CSRNP3: variants seen among roughly 807,000 people sequenced by gnomAD.
The protein encoded by CSRNP3 is cysteine/serine-rich nuclear protein 3.
Under a neutral mutation model 48.0 loss-of-function variants are expected in CSRNP3, and 12 were observed. That is an observed-to-expected ratio of 0.25 (90% CI 0.16 to 0.41). CSRNP3 has a LOEUF of 0.41. Ranked by LOEUF, CSRNP3 falls within the 10% of genes least tolerant of loss-of-function variation. CSRNP3 has a pLI of 1.00. For synonymous variants in CSRNP3, 263 were observed against 269.7 expected, an observed-to-expected ratio of 0.98 and a Z score of 0.24; for missense variants, 580 against 724.4, an observed-to-expected ratio of 0.80 and a Z score of 2.29.
chr2:165,537,851 C>T (rs929552937), intron 3 of CSRNP3, among the ~76,000 whole-genome samples: 1 of 151,904 alleles, frequency 6.6e-6, no homozygotes, highest in South Asian at 2.1e-4. Context: ...TTACCACTTG[C>T]CTTCCATTTT....
At chr2:165,631,588 G>A (rs1011499463) in intron 4 of CSRNP3, among the ~76,000 whole-genome samples, 3 of 152,140 alleles carry the variant, frequency 2.0e-5, no homozygotes, top group African/African-American at 7.2e-5. Context: ...TTTTCTCCAT[G>A]CCTTAAAAGA....
At chr2:165,640,638 G>T (rs1177113380) in intron 4 of CSRNP3, among the ~76,000 whole-genome samples, 3 of 152,184 alleles carry the variant, frequency 2.0e-5, no homozygotes, top group African/African-American at 7.2e-5. Flanking sequence ...AATGTAGCTA[G>T]ATTATTATTG....
chr2:165,552,155 G>A (rs1367838751), intron 3 of CSRNP3, among the ~76,000 whole-genome samples: 2 of 152,188 alleles, frequency 1.3e-5, no homozygotes, highest in Non-Finnish European at 2.9e-5. Flanking sequence ...CAGCATGTTG[G>A]TCAGTGTGGC....
At chr2:165,641,719 A>G (rs1686724031) in intron 4 of CSRNP3, among the ~76,000 whole-genome samples, 1 of 152,170 alleles carries the variant, frequency 6.6e-6, no homozygotes, top group Non-Finnish European at 1.5e-5. Flanking sequence ...GGCCAGAGGA[A>G]CTGGTTAGTA....
intron 3 of CSRNP3, among the ~76,000 whole-genome samples, chr2:165,531,662 A>G (rs920053492): frequency 1.3e-5 from 2 of 152,210 alleles, no homozygotes; most frequent in Non-Finnish European, 1.5e-5. Flanking sequence ...GAAAAGCAAG[A>G]GCAAACACAT....
At chr2:165,499,904 G>A (rs907942714) in intron 2 of CSRNP3, among the ~76,000 whole-genome samples, 2 of 151,756 alleles carry the variant, frequency 1.3e-5, no homozygotes, top group Non-Finnish European at 2.9e-5. Context: ...TTATAATAAG[G>A]GAGTAGTAGT....
chr2:165,475,669 C>T (rs964355187), intron 1 of CSRNP3, among the ~76,000 whole-genome samples: 2 of 152,172 alleles, frequency 1.3e-5, no homozygotes, highest in Admixed American at 6.5e-5. Flanking sequence ...GTCAGATAGT[C>T]ATCTAGCCTC....
chr2:165,600,706 G>A (rs1425386156), intron 4 of CSRNP3, among the ~76,000 whole-genome samples: 1 of 152,132 alleles, frequency 6.6e-6, no homozygotes, highest in East Asian at 1.9e-4. Context: ...ATTTTTTCAT[G>A]TGTTTTTTGG....
chr2:165,631,365 G>T (rs773992408), intron 4 of CSRNP3, among the ~76,000 whole-genome samples: 3 of 152,186 alleles, frequency 2.0e-5, no homozygotes, highest in Admixed American at 2.0e-4. Flanking sequence ...GCCAATGAAG[G>T]CGTTTTTATA....
At chr2:165,568,344 G>C (rs1046080042) in intron 3 of CSRNP3, among the ~76,000 whole-genome samples, 2 of 152,086 alleles carry the variant, frequency 1.3e-5, no homozygotes, top group Admixed American at 6.6e-5. Context: ...GGATCTAAGA[G>C]AGAGCACCAG....
intron 4 of CSRNP3, among the ~76,000 whole-genome samples, chr2:165,609,200 A>T (rs1310864836): frequency 6.6e-6 from 1 of 151,438 alleles, no homozygotes; most frequent in African/African-American, 2.4e-5. Context: ...TCACGCCTGT[A>T]ATCTCAGCAC....
At chr2:165,650,477 A>G (rs1436711113) in intron 4 of CSRNP3, among the ~76,000 whole-genome samples, 1 of 152,212 alleles carries the variant, frequency 6.6e-6, no homozygotes, top group Non-Finnish European at 1.5e-5. Context: ...TCATTTGTAA[A>G]TGTTAAGTTA....
rs1177430644 is a variant in CSRNP3, at chr2:165,574,022, G to A, written c.-23-21021G>A. On this transcript the variant is annotated intron_variant, in intron 3 of 6. Coordinates refer to ENST00000651982, the MANE Select transcript of CSRNP3 (RefSeq NM_001172173.2). ...AGTGAGAATAGGACTCTAAAACAAAGCGTTAAAATCGTTTATCCATTAATA... is the reference window on the plus strand; with the variant it reads ...AGTGAGAATAGGACTCTAAAACAAAACGTTAAAATCGTTTATCCATTAATA... 6 of 232,348 alleles carry A rather than the reference G, an allele frequency of 2.6e-5. No homozygotes were observed. In the East Asian group the frequency reaches 3.6e-4, roughly 14 times the overall value. 14.4% of individuals were successfully genotyped at this position (232,348 alleles called of 1,614,324 possible). A position where few individuals can be genotyped will look rare whatever the true frequency, so the allele number is the denominator to read the frequency against.
intron 3 of CSRNP3, among the ~76,000 whole-genome samples, chr2:165,593,030 T>G (rs1350937670): frequency 6.6e-6 from 1 of 151,878 alleles, no homozygotes; most frequent in Non-Finnish European, 1.5e-5. Context: ...CTCGATCTCC[T>G]GACCTCGTGA....
chr2:165,495,259 T>C (rs763157773), intron 2 of CSRNP3, among the ~76,000 whole-genome samples: 3 of 152,024 alleles, frequency 2.0e-5, no homozygotes, highest in Non-Finnish European at 2.9e-5. Flanking sequence ...CGTCTATAGA[T>C]TGGTCAATGA....
intron 4 of CSRNP3, among the ~76,000 whole-genome samples, chr2:165,605,968 G>A (rs555530708): frequency 4.3e-4 from 65 of 152,056 alleles, no homozygotes; most frequent in Non-Finnish European, 8.5e-4. Context: ...TGGCAACATG[G>A]TATGTGACGG....
intron 2 of CSRNP3, among the ~76,000 whole-genome samples, chr2:165,498,828 C>T (rs1410718903): frequency 6.6e-6 from 1 of 152,000 alleles, no homozygotes; most frequent in Non-Finnish European, 1.5e-5. Flanking sequence ...TCATAGAAAA[C>T]CTCCAAATTT....
intron 4 of CSRNP3, among the ~76,000 whole-genome samples, chr2:165,632,367 T>C (rs1261423731): frequency 2.0e-5 from 3 of 151,970 alleles, no homozygotes; most frequent in Non-Finnish European, 4.4e-5. Flanking sequence ...ACAGAAAATT[T>C]AAAAATTAGC....
chr2:165,628,356 T>C (rs1686473938), intron 4 of CSRNP3, among the ~76,000 whole-genome samples: 1 of 152,230 alleles, frequency 6.6e-6, no homozygotes, highest in African/African-American at 2.4e-5. Flanking sequence ...GGTTTTCAAT[T>C]GCTTTCTGTA....
Sources: gnomAD v4.1 joint callset for allele counts (sites outside exome capture counted in the v4.1 genomes callset) on GRCh38, gnomAD v4.1.1 for gene constraint, MANE v1.5 for transcripts, NCBI Gene and HGNC (gene_info 2026-07-23, HGNC 2026-07-21) for gene names.